The following HSPH1 variants were observed in gnomAD, a reference collection of about 807,000 sequenced individuals.
HSPH1 encodes heat shock protein family H (Hsp110) member 1, also known as heat shock protein 105 kDa.
In HSPH1, 40 loss-of-function variants were observed where a neutral mutation model predicts 100.0. That is an observed-to-expected ratio of 0.40 (90% CI 0.31 to 0.52). The LOEUF (loss-of-function observed/expected upper bound fraction) is 0.52, where lower values mean the gene tolerates loss of function less well. Ranked by LOEUF, HSPH1 falls within the 20% of genes least tolerant of loss-of-function variation. The probability of loss-of-function intolerance (pLI) is 0.54; values close to 1 mark genes in which losing one functional copy is unlikely to be tolerated. For synonymous variants in HSPH1, 403 were observed against 344.0 expected (o/e 1.17, Z -1.90); for missense variants, 876 against 1,015.1 (o/e 0.86, Z 1.86).
chr13:31,148,910 T>C (rs917153444), intron 8 of HSPH1, among the ~76,000 whole-genome samples: 1 of 152,112 alleles, frequency 6.6e-6, no homozygotes, highest in African/African-American at 2.4e-5. Flanking sequence ...TTAAGTAATT[T>C]TGTAAATGAA....
chr13:31,155,664 G>C lies in HSPH1; in HGVS notation c.166-10C>G. The stretch of plus-strand genomic sequence containing the variant: ...TTGCATGAGTGATTTGCTGCAAAAA[G>C]AAGTTTGAGATTTTAATTTTTTTCT... On this transcript the variant is annotated splice_polypyrimidine_tract_variant and intron_variant, in intron 2 of 17. Coordinates refer to ENST00000320027, the MANE Select transcript of HSPH1 (RefSeq NM_006644.4). 1.3e-6 allele frequency: 2 copies of C among 1,569,092 alleles called. No individual in the cohort carries two copies. Among genetic ancestry groups the C allele is most frequent in the Non-Finnish European group, 8.6e-7 (1 of 1,160,554 alleles).
Position 31,136,383 on chromosome 13 carries a change from G to A in HSPH1, c.*935C>T, listed in dbSNP as rs553349449. On this transcript the variant is annotated 3_prime_UTR_variant, in exon 18 of 18. Coordinates refer to ENST00000320027, the MANE Select transcript of HSPH1 (RefSeq NM_006644.4). Reference sequence around the variant, plus strand: ...GTAAAAGGCTCCAAGGATGTATAACGAAGTGTTAACAATGTTTTCTTCTGG... The same window carrying A: ...GTAAAAGGCTCCAAGGATGTATAACAAAGTGTTAACAATGTTTTCTTCTGG... 6.6e-6 allele frequency: 1 copy of A among 152,188 alleles called. No homozygotes were observed. Among genetic ancestry groups the A allele is most frequent in the South Asian group, 2.1e-4 (1 of 4,806 alleles). 9.4% of individuals were successfully genotyped at this position (152,188 alleles called of 1,614,324 possible). A position where few individuals can be genotyped will look rare whatever the true frequency, so the allele number is the denominator to read the frequency against.
rs975924338 is a variant in HSPH1 at position 31,143,860 on chromosome 13, G to C, written c.1648C>G (p.Gln550Glu). Residue 550 changes from glutamine (Q) to glutamate (E), a missense_variant, in exon 12 of 18, where the codon CAA (glutamine) becomes GAA (glutamate). Transcript: ENST00000320027. The stretch of plus-strand genomic sequence containing the variant: ...GGTGAAGGGGGAGACTGTGAGGTTT[G>C]TTGAGCATCAGTTTGTACCTGGGGC... ...TQPQVQTDAQ[Q>E]TSQSPPSPEL... The C allele has an allele frequency of 3.1e-5, 50 of 1,611,806 alleles. No individual in the cohort carries two copies. Among genetic ancestry groups the C allele is most frequent in the Non-Finnish European group, 3.5e-5 (41 of 1,178,756 alleles).
At chr13:31,139,180 C>A in intron 14 of HSPH1, 73 bp from the exon 15 acceptor site, 3 of 939,654 alleles carry the variant, frequency 3.2e-6, no homozygotes, top group South Asian at 2.7e-5. Context: ...AAGAGGTATT[C>A]TCACACTAGG....
Position 31,161,676 on chromosome 13 carries a change from G to C in HSPH1, c.-94C>G. The C allele has an allele frequency of 1.3e-6, 2 of 1,562,282 alleles. No individual in the cohort carries two copies. Among genetic ancestry groups the C allele is most frequent in the Non-Finnish European group, 1.7e-6 (2 of 1,160,744 alleles). On this transcript the variant is annotated 5_prime_UTR_variant, in exon 1 of 18. Coordinates refer to ENST00000320027, the MANE Select transcript of HSPH1 (RefSeq NM_006644.4). ...TGCCGCCGCTTTCTGCCCTGGCCGCGTTCTGCTCCGGCCCGCGGGGTCTGG... is the reference window on the plus strand; with the variant it reads ...TGCCGCCGCTTTCTGCCCTGGCCGCCTTCTGCTCCGGCCCGCGGGGTCTGG...
At position 31,151,020 on chromosome 13, in the gene HSPH1, A is replaced by G. The variant is rs1417166137; in HGVS notation, c.835T>C (p.Ser279Pro). ...TTCAGTGGAAGGTCTGTGCTGTTAG[A>G]GCTCATTAGCTTTTTCAGTTTTTCA... is the stretch of plus-strand genomic sequence containing the variant. ...ECEKLKKLMS[S>P]NSTDLPLNIE... Residue 279 changes from serine (S) to proline (P), a missense_variant, in exon 7 of 18, where the codon TCT becomes CCT. By Grantham distance (74) the Ser-to-Pro change is moderately conservative. Transcript: ENST00000320027. 4 of 1,613,616 alleles carry G rather than the reference A, an allele frequency of 2.5e-6. No individual in the cohort carries two copies. Among genetic ancestry groups the G allele is most frequent in the South Asian group, 1.1e-5 (1 of 91,076 alleles).
intron 11 of HSPH1, among the ~76,000 whole-genome samples, chr13:31,144,985 T>C (rs1376282517): frequency 6.6e-6 from 1 of 152,172 alleles, no homozygotes; most frequent in Non-Finnish European, 1.5e-5. Context: ...AAATAAACTG[T>C]AATTATTGTA....
At position 31,137,562 on chromosome 13, in the gene HSPH1, A is replaced by G. The variant is rs144014353; in HGVS notation, c.2371-38T>C. ...AAAACTAGTTATCAGATTAACTCAGATCCATCCAGTTCATTTTCAACTGCT... is the reference window on the plus strand; with the variant it reads ...AAAACTAGTTATCAGATTAACTCAGGTCCATCCAGTTCATTTTCAACTGCT... On this transcript the variant is annotated intron_variant, in intron 17 of 17. Transcript: ENST00000320027. 1.5e-5 allele frequency: 23 copies of G among 1,489,288 alleles called. No individual in the cohort carries two copies. The East Asian group carries it at 5.0e-4, about 32-fold the overall frequency. 92.3% of individuals were successfully genotyped at this position (1,489,288 alleles called of 1,614,324 possible).
At chr13:31,154,328 A>G (rs989133734) in intron 4 of HSPH1, 1 of 389,526 alleles carries the variant, frequency 2.6e-6, no homozygotes, top group Non-Finnish European at 4.8e-6. Context: ...CTCCTGTGTT[A>G]AATGTACAAG....
At chr13:31,139,928 G>A (rs1956028180) in intron 14 of HSPH1, among the ~76,000 whole-genome samples, 1 of 151,928 alleles carries the variant, frequency 6.6e-6, no homozygotes, top group Non-Finnish European at 1.5e-5. Context: ...TAGACCCTAT[G>A]ACAGTAATGC....
Position 31,143,871 on chromosome 13 carries a change from G to A in HSPH1, c.1637C>T (p.Thr546Ile). 1.2e-6 allele frequency: 2 copies of A among 1,611,610 alleles called. No individual in the cohort carries two copies. The highest frequency in any genetic ancestry group is 1.7e-6 in the Non-Finnish European group (2 of 1,178,614). Reference sequence around the variant, plus strand: ...AGACTGTGAGGTTTGTTGAGCATCAGTTTGTACCTGGGGCTGTGTTCCAGC... The same window carrying A: ...AGACTGTGAGGTTTGTTGAGCATCAATTTGTACCTGGGGCTGTGTTCCAGC... ...SEAGTQPQVQTDAQQTSQSPP... is the reference protein window; with the variant it reads ...SEAGTQPQVQIDAQQTSQSPP... Residue 546 changes from threonine (T) to isoleucine (I), a missense_variant, in exon 12 of 18, where the codon ACT (threonine) becomes ATT (isoleucine). Transcript: ENST00000320027.
chr13:31,147,893 T>C, intron 10 of HSPH1, 66 bp downstream of exon 10: 3 of 1,375,550 alleles, frequency 2.2e-6, no homozygotes, highest in East Asian at 2.5e-5. Context: ...CTTTTAAAGT[T>C]TGTACAATGA....
Position 31,135,141 on chromosome 13 carries a change from C to T in HSPH1, c.*2177G>A, listed in dbSNP as rs1409673371. The stretch of plus-strand genomic sequence containing the variant: ...ACTGTTTGAGCCAATGATATTAATA[C>T]GTTATTATAAAGTAATCAACATGAC... On this transcript the variant is annotated 3_prime_UTR_variant, in exon 18 of 18. Transcript: ENST00000320027. 1.3e-5 allele frequency: 2 copies of T among 152,164 alleles called. No homozygotes were observed. Among genetic ancestry groups the T allele is most frequent in the Admixed American group, 6.5e-5 (1 of 15,280 alleles). The allele number at this position is 152,164 out of a possible 1,614,324, so 9.4% of individuals were successfully genotyped here.
At position 31,145,636 on chromosome 13, in the gene HSPH1, T is replaced by C. The variant is rs377233439; in HGVS notation, c.1511A>G (p.Glu504Gly). 2 of 1,613,708 alleles carry C rather than the reference T, an allele frequency of 1.2e-6. No homozygotes were observed. Among genetic ancestry groups the C allele is most frequent in the Non-Finnish European group, 1.7e-6 (2 of 1,179,790 alleles). ...TASMVEKVPT[E>G]ENEMSSEADM... ...AGCTTCAGAAGACATTTCATTCTCC[T>C]CAGTTGGGACTTTCTCCACCATAGA... Residue 504 changes from glutamate (E) to glycine (G), a missense_variant, in exon 11 of 18, where the codon GAG becomes GGG. Physicochemically the swap from Glu to Gly is moderately conservative, Grantham distance 98. Transcript: ENST00000320027.
In HSPH1 at chr13:31,137,056, C is replaced by A; in HGVS notation, c.*262G>T. 1 of 612,782 alleles carries A rather than the reference C, an allele frequency of 1.6e-6. No individual in the cohort carries two copies. The highest frequency in any genetic ancestry group is 3.1e-6 in the Non-Finnish European group (1 of 325,754). 38.0% of individuals were successfully genotyped at this position (612,782 alleles called of 1,614,324 possible). A position where few individuals can be genotyped will look rare whatever the true frequency, so the allele number is the denominator to read the frequency against. ...AAAAGACAAAAGTCAGTTTCATCCT[C>A]AGTGATGCAAATGGTGAGACTGCAC... is the stretch of plus-strand genomic sequence containing the variant. On this transcript the variant is annotated 3_prime_UTR_variant, in exon 18 of 18. Coordinates refer to ENST00000320027, the MANE Select transcript of HSPH1 (RefSeq NM_006644.4).
chr13:31,140,078 A>C, intron 14 of HSPH1, 106 bp downstream of exon 14: 1 of 1,121,576 alleles, frequency 8.9e-7, no homozygotes, highest in Middle Eastern at 2.4e-4. Context: ...GTTTCTAAAA[A>C]GTTTAAGTTA....
In HSPH1 at chr13:31,158,831, G is replaced by A. The variant is rs1345392631; in HGVS notation, c.140C>T (p.Thr47Ile). ...CTGATTTTTGGCTGCAACTCCGATTGTTCTATTTTTTGATCCAAATGATAT... is the reference window on the plus strand; with the variant it reads ...CTGATTTTTGGCTGCAACTCCGATTATTCTATTTTTTGATCCAAATGATAT... ...SVISFGSKNRTIGVAAKNQQI... is the reference protein window; with the variant it reads ...SVISFGSKNRIIGVAAKNQQI... The change falls in exon 2 of 18, where the codon ACA (threonine) becomes ATA (isoleucine). Residue 47 changes from threonine (T) to isoleucine (I), a missense_variant. By Grantham distance (89) the Thr-to-Ile change is moderately conservative. Coordinates refer to ENST00000320027, the MANE Select transcript of HSPH1 (RefSeq NM_006644.4). The A allele has an allele frequency of 1.2e-6, 2 of 1,605,316 alleles. No homozygotes were observed. Among genetic ancestry groups the A allele is most frequent in the Non-Finnish European group, 8.5e-7 (1 of 1,172,210 alleles).
intron 2 of HSPH1, among the ~76,000 whole-genome samples, chr13:31,157,530 G>A (rs961427971): frequency 6.6e-6 from 1 of 152,172 alleles, no homozygotes; most frequent in Non-Finnish European, 1.5e-5. Flanking sequence ...TTTAAGAGAT[G>A]TTTTTGTTTT....
At chr13:31,157,478 A>G (rs939871235) in intron 2 of HSPH1, among the ~76,000 whole-genome samples, 10 of 152,224 alleles carry the variant, frequency 6.6e-5, no homozygotes, top group African/African-American at 2.2e-4. Context: ...AAGCAGATTC[A>G]TAAGTTTGAT....
Sources: allele counts gnomAD v4.1 joint callset (sites outside exome capture counted in the v4.1 genomes callset), GRCh38; gene constraint gnomAD v4.1.1; transcripts MANE v1.5; gene names NCBI Gene and HGNC (gene_info 2026-07-23, HGNC 2026-07-21).